The following ADGRF1 variants were observed in gnomAD, a reference collection of about 807,000 sequenced individuals.
ADGRF1 encodes the protein adhesion G protein-coupled receptor F1.
Under a neutral mutation model 87.2 loss-of-function variants are expected in ADGRF1, and 85 were observed. That is an observed-to-expected ratio of 0.97 (90% CI 0.82 to 1.17). The LOEUF is 1.17. ADGRF1 is among the 50% of genes most tolerant of loss of function. The pLI is 0.00. For missense variants in ADGRF1, 1,169 were observed against 1,077.2 expected (o/e 1.09, Z -1.19); for synonymous variants, 430 against 408.8 (o/e 1.05, Z -0.63).
intron 1 of ADGRF1, among the ~76,000 whole-genome samples, chr6:47,030,942 T>C (rs1241186707): frequency 1.3e-5 from 2 of 152,078 alleles, no homozygotes; most frequent in Non-Finnish European, 2.9e-5. Context: ...TTTGTATTTT[T>C]AGTCGAGATG....
At chr6:47,020,253 G>A in intron 7 of ADGRF1, 1 of 1,276,152 alleles carries the variant, frequency 7.8e-7, no homozygotes, top group Non-Finnish European at 9.9e-7. Context: ...CAGCACTTTG[G>A]GGGCCGAGGC....
chr6:47,030,831 C>T (rs1444994016), intron 1 of ADGRF1, among the ~76,000 whole-genome samples: 2 of 151,708 alleles, frequency 1.3e-5, no homozygotes, highest in Non-Finnish European at 2.9e-5. Context: ...GGCATGATCT[C>T]GGCTCACTGC....
chr6:47,014,463 A>G, intron 9 of ADGRF1: 1 of 1,283,216 alleles, frequency 7.8e-7, no homozygotes, highest in Non-Finnish European at 9.9e-7. Flanking sequence ...AAAACTATCA[A>G]CTCTGTCTTT....
chr6:46,999,774 T>A lies in ADGRF1; in HGVS notation c.*448A>T, dbSNP rs1779309288. 1 of 152,648 alleles carries A rather than the reference T, an allele frequency of 6.6e-6. No homozygotes were observed. The highest frequency in any genetic ancestry group is 6.5e-5 in the Admixed American group (1 of 15,342). 9.5% of individuals were successfully genotyped at this position (152,648 alleles called of 1,614,324 possible). On this transcript the variant is annotated 3_prime_UTR_variant, in exon 15 of 15. Transcript: ENST00000371253. ...GAAATGGTTTTTTCTCTAGGAAATT[T>A]GCACTAATAACTTTTTCCCACCATC...
chr6:47,009,716 C>T lies in ADGRF1; in HGVS notation c.1719G>A (p.Met573Ile), dbSNP rs149340929. 47 of 1,614,130 alleles carry T rather than the reference C, an allele frequency of 2.9e-5. No individual in the cohort carries two copies. In the African/African-American group the frequency reaches 5.9e-4, roughly 20 times the overall value. ...CTHLTSFSIL[M>I]SPFVPSTIFP... ...AGATTGTAGAGGGGACAAAAGGTGA[C>T]ATCAATATGGAGAAGGAGGTCAAGT... The change falls in exon 11 of 15, where the codon ATG (methionine) becomes ATA (isoleucine). Residue 573 changes from methionine to isoleucine, a missense_variant. By Grantham distance (10) the Met-to-Ile change is conservative. Coordinates refer to ENST00000371253, the MANE Select transcript of ADGRF1 (RefSeq NM_153840.4).
Position 47,028,987 on chromosome 6 carries a change from AC to A in ADGRF1, c.69+5del, listed in dbSNP as rs760477306. 1 of 1,612,462 alleles carries A rather than the reference AC, an allele frequency of 6.2e-7. No homozygotes were observed. The highest frequency in any genetic ancestry group is 1.3e-5 in the African/African-American group (1 of 74,944). On this transcript the variant is annotated splice_donor_5th_base_variant and intron_variant, in intron 2 of 14. Transcript: ENST00000371253. Reference sequence around the variant, plus strand: ...AGAAGAGATATGAGACATAGCACCAACTCACCCCCAGGAAGCCACCGTGGCC... The same window carrying A: ...AGAAGAGATATGAGACATAGCACCAATCACCCCCAGGAAGCCACCGTGGCC...
chr6:47,012,749 C>A (rs935630056), intron 9 of ADGRF1: 1 of 985,248 alleles, frequency 1.0e-6, no homozygotes, highest in African/African-American at 1.7e-5. Context: ...TTGTGCCAGC[C>A]CCCGTTTTGT....
chr6:47,037,563 C>T (rs916677045), intron 1 of ADGRF1, among the ~76,000 whole-genome samples: 2 of 151,676 alleles, frequency 1.3e-5, no homozygotes, highest in South Asian at 2.1e-4. Context: ...GCTGGGGTGC[C>T]GTGCCATGAT....
chr6:47,010,882 G>T (rs542159282), intron 10 of ADGRF1, among the ~76,000 whole-genome samples: 1 of 152,224 alleles, frequency 6.6e-6, no homozygotes, highest in South Asian at 2.1e-4. Context: ...GGGTTTTAAG[G>T]GTCAGTCTTA....
intron 10 of ADGRF1, among the ~76,000 whole-genome samples, chr6:47,010,956 T>C (rs1779686799): frequency 6.6e-6 from 1 of 151,980 alleles, no homozygotes. Flanking sequence ...GAACCCCTTC[T>C]CTTGCTTATG....
At position 47,008,162 on chromosome 6, in the gene ADGRF1, C is replaced by T. The variant is rs528407062; in HGVS notation, c.2490+783G>A. On this transcript the variant is annotated intron_variant, in intron 11 of 14. Coordinates refer to ENST00000371253, the MANE Select transcript of ADGRF1 (RefSeq NM_153840.4). The stretch of plus-strand genomic sequence containing the variant: ...GTAAAGTGATGTATTTGAGCCCAGA[C>T]CTATTTAAGTCTAGAGTTCAAATGT... Among the ~76,000 whole-genome samples, 40 of 152,234 alleles carry T rather than the reference C, an allele frequency of 2.6e-4. 1 individual carries two copies. The highest frequency in any genetic ancestry group is 1.9e-4 in the East Asian group (1 of 5,176).
At chr6:47,041,676 G>T (rs1459819878) in intron 1 of ADGRF1, among the ~76,000 whole-genome samples, 1 of 152,132 alleles carries the variant, frequency 6.6e-6, no homozygotes, top group Non-Finnish European at 1.5e-5. Context: ...CTGGGAAGGA[G>T]TTAAATTGAG....
At chr6:47,022,571 C>T (rs1000816438) in intron 5 of ADGRF1, among the ~76,000 whole-genome samples, 6 of 152,204 alleles carry the variant, frequency 3.9e-5, no homozygotes, top group Non-Finnish European at 1.5e-5. Context: ...CTCTAATCCT[C>T]AGATGCAGAG....
At chr6:47,007,200 G>A in intron 12 of ADGRF1, 53 bp downstream of exon 12, 5 of 1,070,302 alleles carry the variant, frequency 4.7e-6, no homozygotes, top group Non-Finnish European at 7.0e-6. Flanking sequence ...ACAAAGGGGA[G>A]GGGGCCTAAG....
Position 47,024,184 on chromosome 6 carries a change from G to C in ADGRF1, c.311C>G (p.Thr104Ser). The change falls in exon 5 of 15, where the codon ACC becomes AGC. Residue 104 changes from threonine (T) to serine (S), a missense_variant. By Grantham distance (58) the Thr-to-Ser change is moderately conservative. Transcript: ENST00000371253. ...AAACCAGGTGTAGCTGTCTTCACAG[G>C]TACACTGCAGGACTCCATTCAGGCT... ...CNSLNGVLQC[T>S]CEDSYTWFPP... The C allele has an allele frequency of 6.2e-7, 1 of 1,613,546 alleles. No individual in the cohort carries two copies. The highest frequency in any genetic ancestry group is 8.5e-7 in the Non-Finnish European group (1 of 1,179,468).
intron 4 of ADGRF1, among the ~76,000 whole-genome samples, chr6:47,025,125 G>A (rs1424249043): frequency 6.6e-6 from 1 of 152,120 alleles, no homozygotes; most frequent in East Asian, 1.9e-4. Context: ...TATTACACCT[G>A]AAATTCCCAC....
intron 11 of ADGRF1, among the ~76,000 whole-genome samples, chr6:47,008,511 C>T (rs1779595428): frequency 1.3e-5 from 2 of 152,190 alleles, no homozygotes; most frequent in Admixed American, 1.3e-4. Context: ...TCCAATAAAA[C>T]TTTATTTACA....
chr6:47,015,267 G>A (rs1779834545), intron 8 of ADGRF1, among the ~76,000 whole-genome samples: 1 of 152,250 alleles, frequency 6.6e-6, no homozygotes, highest in Non-Finnish European at 1.5e-5. Context: ...GTTGCTATTT[G>A]TGGGTAGCAC....
rs147631696 is a variant in ADGRF1 at position 47,016,700 on chromosome 6, A to G, written c.680T>C (p.Ile227Thr). Residue 227 changes from isoleucine (I) to threonine (T), a missense_variant, in exon 8 of 15, where the codon ATT (isoleucine) becomes ACT (threonine). Coordinates refer to ENST00000371253, the MANE Select transcript of ADGRF1 (RefSeq NM_153840.4). ...SSSASELLSA[I>T]EHVAEKAKTA... is the part of the protein sequence containing the mutation. ...CTTAGCCTTCTCGGCAACATGTTCA[A>G]TGGCTGACAGCAGTTCAGATGCACT... 5.4e-4 allele frequency: 864 copies of G among 1,612,842 alleles called. 1 individual carries two copies. The highest frequency in any genetic ancestry group is 2.5e-3 in the Middle Eastern group (15 of 6,058).
Sources: allele counts gnomAD v4.1 joint callset (sites outside exome capture counted in the v4.1 genomes callset), GRCh38; gene constraint gnomAD v4.1.1; transcripts MANE v1.5; gene names NCBI Gene and HGNC (gene_info 2026-07-23, HGNC 2026-07-21).